The following ADAMTSL1 variants were observed in gnomAD, a reference collection of about 807,000 sequenced individuals.
The protein encoded by ADAMTSL1 is ADAMTS like 1.
In ADAMTSL1, 126 loss-of-function variants were observed where a neutral mutation model predicts 201.8. The ratio of observed to expected loss-of-function variants is 0.62; its 90% confidence interval spans 0.54 to 0.72. ADAMTSL1 has a LOEUF of 0.72. Ranked by LOEUF, ADAMTSL1 falls within the 30% of genes least tolerant of loss-of-function variation. ADAMTSL1 has a pLI of 0.00. For synonymous variants in ADAMTSL1, 1,121 were observed against 903.4 expected (o/e 1.24, Z -4.32); for missense variants, 2,679 against 2,277.8 (o/e 1.18, Z -3.59).
At chr9:18,404,760 C>G (rs1417085035) in intron 2 of ADAMTSL1, among the ~76,000 whole-genome samples, 1 of 152,156 alleles carries the variant, frequency 6.6e-6, no homozygotes, top group East Asian at 1.9e-4. Flanking sequence ...CTAGGTGCCA[C>G]CTTTGAGAGT....
At chr9:18,309,688 A>G (rs758632928) in intron 2 of ADAMTSL1, among the ~76,000 whole-genome samples, 6 of 152,160 alleles carry the variant, frequency 3.9e-5, no homozygotes, top group Non-Finnish European at 5.9e-5. Flanking sequence ...AAGAGAGGAC[A>G]CAAACAAATA....
At chr9:18,484,333 T>A (rs1002085687) in intron 1 of ADAMTSL1, among the ~76,000 whole-genome samples, 1 of 152,248 alleles carries the variant, frequency 6.6e-6, no homozygotes, top group African/African-American at 2.4e-5. Flanking sequence ...CTATTGCTGA[T>A]GTAACGGGGT....
intron 1 of ADAMTSL1, among the ~76,000 whole-genome samples, chr9:18,075,710 C>T (rs921862456): frequency 5.9e-5 from 9 of 152,072 alleles, no homozygotes; most frequent in Non-Finnish European, 1.2e-4. Context: ...CATCCTTGGC[C>T]CCAAGCCCAC....
At chr9:18,638,080 G>A (rs1051340391) in intron 6 of ADAMTSL1, among the ~76,000 whole-genome samples, 4 of 152,082 alleles carry the variant, frequency 2.6e-5, no homozygotes, top group African/African-American at 9.7e-5. Flanking sequence ...TTCCTTTAAT[G>A]TGCCCTGTAT....
chr9:18,503,678 G>A (rs528228720), intron 1 of ADAMTSL1, among the ~76,000 whole-genome samples: 58 of 152,168 alleles, frequency 3.8e-4, no homozygotes, highest in Admixed American at 7.9e-4. Context: ...AGGCTGGGTA[G>A]ATCCACAGTT....
At chr9:18,807,522 G>A (rs1001157953) in intron 20 of ADAMTSL1, among the ~76,000 whole-genome samples, 6 of 152,070 alleles carry the variant, frequency 3.9e-5, no homozygotes, top group African/African-American at 4.8e-5. Flanking sequence ...GCAGGCGCCT[G>A]TAGTCCCAGC....
At chr9:18,192,666 C>CA (rs1299895723) in intron 2 of ADAMTSL1, among the ~76,000 whole-genome samples, 8 of 151,998 alleles carry the variant, frequency 5.3e-5, no homozygotes, top group Non-Finnish European at 8.8e-5. Flanking sequence ...GATCACCTAG[C>CA]AAATATTCAG....
chr9:18,188,176 A>G (rs1490850093), intron 2 of ADAMTSL1, among the ~76,000 whole-genome samples: 1 of 152,188 alleles, frequency 6.6e-6, no homozygotes, highest in Non-Finnish European at 1.5e-5. Context: ...CACCACCAGC[A>G]CAACTCCTTT....
intron 19 of ADAMTSL1, among the ~76,000 whole-genome samples, chr9:18,786,625 G>A (rs1293181223): frequency 2.0e-5 from 3 of 152,124 alleles, no homozygotes; most frequent in Non-Finnish European, 4.4e-5. Context: ...TTTAGACATG[G>A]GGCCATTGTA....
At chr9:18,302,463 A>T (rs1587506317) in intron 2 of ADAMTSL1, among the ~76,000 whole-genome samples, 1 of 152,250 alleles carries the variant, frequency 6.6e-6, no homozygotes, top group East Asian at 1.9e-4. Context: ...TTCTACTTAG[A>T]TATGTGGATA....
chr9:18,001,430 A>T (rs538456123), intron 1 of ADAMTSL1, among the ~76,000 whole-genome samples: 2 of 152,192 alleles, frequency 1.3e-5, no homozygotes, highest in East Asian at 3.9e-4. Context: ...GTCCTCAAGG[A>T]GCTCACAGTC....
chr9:18,899,968 C>T (rs1281293394), intron 26 of ADAMTSL1, among the ~76,000 whole-genome samples: 1 of 152,144 alleles, frequency 6.6e-6, no homozygotes, highest in East Asian at 1.9e-4. Flanking sequence ...AGAGCTTCTG[C>T]TCATCAAAAG....
intron 3 of ADAMTSL1, among the ~76,000 whole-genome samples, chr9:18,534,588 G>C (rs765645928): frequency 6.6e-6 from 1 of 152,176 alleles, no homozygotes; most frequent in Non-Finnish European, 1.5e-5. Context: ...AATATCATGG[G>C]CATTTTTATT....
intron 23 of ADAMTSL1, among the ~76,000 whole-genome samples, chr9:18,880,856 A>C (rs1828483408): frequency 6.6e-6 from 1 of 152,236 alleles, no homozygotes. Flanking sequence ...TGTTTCATCT[A>C]CACTGAAAAT....
intron 1 of ADAMTSL1, among the ~76,000 whole-genome samples, chr9:17,929,290 G>A (rs543682454): frequency 1.3e-5 from 2 of 151,948 alleles, no homozygotes; most frequent in South Asian, 4.2e-4. Flanking sequence ...TCCCAAAAAA[G>A]CTTTTTTAGA....
chr9:18,723,457 G>T (rs1817670982), intron 15 of ADAMTSL1: 1 of 262,442 alleles, frequency 3.8e-6, no homozygotes, highest in Admixed American at 4.9e-5. Context: ...GCACCAAAAC[G>T]AATAGGACAT....
intron 15 of ADAMTSL1, among the ~76,000 whole-genome samples, chr9:18,728,052 C>A (rs1158832567): frequency 6.6e-6 from 1 of 151,592 alleles, no homozygotes; most frequent in African/African-American, 2.4e-5. Flanking sequence ...TGCACTCCAG[C>A]CTGGGCAACA....
chr9:18,795,285 TA>T, intron 19 of ADAMTSL1, 111 bp from the exon 20 acceptor site: 1 of 1,408,098 alleles, frequency 7.1e-7, no homozygotes, highest in Non-Finnish European at 9.6e-7. Flanking sequence ...TCTCTGTTGT[TA>T]AAACAGGGTT....
chr9:18,873,970 G>A (rs189685026), intron 23 of ADAMTSL1, among the ~76,000 whole-genome samples: 118 of 152,120 alleles, frequency 7.8e-4, no homozygotes, highest in African/African-American at 2.7e-3. Context: ...GATTTTTTCA[G>A]CAGTGTTTTG....
Sources: gnomAD v4.1 joint callset for allele counts (sites outside exome capture counted in the v4.1 genomes callset) on GRCh38, gnomAD v4.1.1 for gene constraint, MANE v1.5 for transcripts, NCBI Gene and HGNC (gene_info 2026-07-23, HGNC 2026-07-21) for gene names.